NUP188: variants seen among roughly 807,000 people sequenced by gnomAD.
The protein encoded by NUP188 is nucleoporin 188.
A neutral mutation model predicts 223.0 loss-of-function variants in NUP188; 97 were observed. The observed-to-expected ratio is 0.43, with a 90% CI of 0.37 to 0.51. The LOEUF (loss-of-function observed/expected upper bound fraction) is 0.51, where lower values mean the gene tolerates loss of function less well. Among genes scored for constraint, NUP188 ranks in the 20% least tolerant of loss-of-function variants. The pLI is 0.00. For missense variants in NUP188, 1,947 were observed against 2,175.6 expected (o/e 0.89, Z 2.09); for synonymous variants, 869 against 828.0 (o/e 1.05, Z -0.85).
chr9:128,985,900 G>A (rs1271941959), intron 20 of NUP188, among the ~76,000 whole-genome samples: 2 of 152,058 alleles, frequency 1.3e-5, no homozygotes, highest in South Asian at 2.1e-4. Flanking sequence ...TTAGCTGGGC[G>A]TGGTGGTGGA....
chr9:128,969,959 C>G (rs1842083570), intron 10 of NUP188, among the ~76,000 whole-genome samples: 1 of 151,010 alleles, frequency 6.6e-6, no homozygotes, highest in African/African-American at 2.4e-5. Context: ...ACAGAGTCTT[C>G]CTCTATCACC....
At chr9:128,952,738 T>TA in intron 2 of NUP188, 35 bp from the exon 3 acceptor site, 1 of 1,444,328 alleles carries the variant, frequency 6.9e-7, no homozygotes, top group Non-Finnish European at 9.6e-7. Context: ...AAAAAAAAAA[T>TA]ACTGCATTTG....
intron 3 of NUP188, 42 bp downstream of exon 3, chr9:128,952,888 G>A (rs1841814184): frequency 6.7e-7 from 1 of 1,485,260 alleles, no homozygotes; most frequent in East Asian, 2.3e-5. Flanking sequence ...ATTGTCCTAA[G>A]GAAGCTGACA....
At chr9:129,004,041 T>A (rs1242584043) in intron 38 of NUP188, 1 of 170,790 alleles carries the variant, frequency 5.9e-6, no homozygotes, top group African/African-American at 2.5e-5. Flanking sequence ...ACTTTGGGAA[T>A]TCAAGGCGGG....
intron 13 of NUP188, 96 bp downstream of exon 13, chr9:128,979,423 C>A: frequency 1.2e-6 from 1 of 830,704 alleles, no homozygotes; most frequent in Non-Finnish European, 2.0e-6. Context: ...TGCATTTTCT[C>A]ATTTAATCTT....
intron 31 of NUP188, 119 bp from the exon 32 acceptor site, chr9:128,998,419 C>A: frequency 9.6e-7 from 1 of 1,042,144 alleles, no homozygotes; most frequent in Non-Finnish European, 1.5e-6. Context: ...GCTTCTCCCC[C>A]TCCACTCCAC....
rs1842222090 is a variant in NUP188 at position 128,979,271 on chromosome 9, G to T, written c.1213G>T (p.Asp405Tyr). 6.2e-7 allele frequency: 1 copy of T among 1,611,112 alleles called. No individual in the cohort carries two copies. The highest frequency in any genetic ancestry group is 1.7e-5 in the Admixed American group (1 of 59,904). The part of the protein sequence containing the change: ...HTLGNQQDII[D>Y]TACEVLADPS... ...TCCCTTCCTCAAACAGGATATAATT[G>T]ATACAGCATGTGAAGTATTGGCCGA... Residue 405 changes from aspartate to tyrosine, a missense_variant, in exon 13 of 44, where the codon GAT (aspartate) becomes TAT (tyrosine). By Grantham distance (160) the Asp-to-Tyr change is radical (BLOSUM62 -3). This residue lies in a region of NUP188 where 817 missense variants were observed against 865.8 expected (regional missense o/e 0.94). Transcript: ENST00000372577.
At chr9:128,954,148 C>CT (rs1360652936) in intron 3 of NUP188, among the ~76,000 whole-genome samples, 1 of 151,682 alleles carries the variant, frequency 6.6e-6, no homozygotes, top group African/African-American at 2.4e-5. Flanking sequence ...TCTTTACTAT[C>CT]TTTTTTCTGT....
In NUP188 at chr9:129,003,443, C is replaced by T. The variant is rs143262203; in HGVS notation, c.4423C>T (p.Arg1475Cys). 2.2e-5 allele frequency: 36 copies of T among 1,610,632 alleles called. No individual in the cohort carries two copies. The highest frequency in any genetic ancestry group is 2.0e-4 in the Admixed American group (12 of 59,962). The part of the protein sequence containing the change: ...EWHFHLPQLM[R>C]DIQVNLGYLC... ...GCACTTCCACCTGCCTCAGCTCATG[C>T]GTGATATCCAGGTGGGGGCCCAAGA... Residue 1475 changes from arginine (R) to cysteine (C), a missense_variant, in exon 38 of 44, where the codon CGT (arginine) becomes TGT (cysteine). Coordinates refer to ENST00000372577, the MANE Select transcript of NUP188 (RefSeq NM_015354.3).
In NUP188 at chr9:128,982,949, C is replaced by T. The variant is rs545282604; in HGVS notation, c.1717C>T (p.His573Tyr). Residue 573 changes from histidine to tyrosine, a missense_variant, in exon 17 of 44, where the codon CAT (histidine) becomes TAT (tyrosine). This residue lies in a region of NUP188 where 817 missense variants were observed against 865.8 expected (regional missense o/e 0.94). Coordinates refer to ENST00000372577, the MANE Select transcript of NUP188 (RefSeq NM_015354.3). ...QRVKPIIDLVHKVISTDLSIA... is the reference protein window; with the variant it reads ...QRVKPIIDLVYKVISTDLSIA... ...AGTCAAACCCATCATTGATCTCGTC[C>T]ATAAGGTCATCAGTACAGACCTGTC... The T allele has an allele frequency of 3.7e-6, 6 of 1,614,142 alleles. No individual in the cohort carries two copies. In the South Asian group the frequency reaches 6.6e-5, roughly 18 times the overall value.
intron 13 of NUP188, 116 bp from the exon 14 acceptor site, chr9:128,980,490 A>T (rs942370660): frequency 1.0e-6 from 1 of 988,316 alleles, no homozygotes; most frequent in Non-Finnish European, 1.5e-6. Flanking sequence ...AGGAGGGATG[A>T]TATCTGTCTA....
intron 24 of NUP188, among the ~76,000 whole-genome samples, chr9:128,988,755 C>G (rs1842374755): frequency 2.2e-5 from 2 of 90,470 alleles, no homozygotes; most frequent in South Asian, 3.8e-4. Flanking sequence ...TTGAGACAGT[C>G]TAGCTCTGTT....
At chr9:128,977,083 A>G (rs1026907067) in intron 12 of NUP188, among the ~76,000 whole-genome samples, 1 of 151,416 alleles carries the variant, frequency 6.6e-6, no homozygotes, top group African/African-American at 2.4e-5. Flanking sequence ...AACAACAACC[A>G]AAAAAACAGA....
At chr9:128,994,831 A>C (rs776214569) in intron 28 of NUP188, 25 bp from the exon 29 acceptor site, 1 of 1,598,534 alleles carries the variant, frequency 6.3e-7, no homozygotes, top group Non-Finnish European at 8.6e-7. Context: ...AGATGTGATA[A>C]TTGCCTGTTC....
In NUP188 at chr9:128,973,186, T is replaced by C. The variant is rs148364986; in HGVS notation, c.1140T>C (p.Cys380=). 1.6e-4 allele frequency: 265 copies of C among 1,613,382 alleles called. No homozygotes were observed. The highest frequency in any genetic ancestry group is 1.5e-4 in the Non-Finnish European group (181 of 1,179,762). Residue 380 remains cysteine, a synonymous_variant, in exon 12 of 44, where the codon TGT becomes TGC. Coordinates refer to ENST00000372577, the MANE Select transcript of NUP188 (RefSeq NM_015354.3). Reference sequence around the variant, plus strand: ...GCACCACCAGCACTGCATGCATGTGTGTCTATGGACTGCTCTCTTTCGTTC... The same window carrying C: ...GCACCACCAGCACTGCATGCATGTGCGTCTATGGACTGCTCTCTTTCGTTC... ...NDCTTSTACM[C]VYGLLSFVLT...
intron 8 of NUP188, among the ~76,000 whole-genome samples, chr9:128,959,373 C>T (rs1307969903): frequency 2.0e-5 from 3 of 151,782 alleles, no homozygotes; most frequent in African/African-American, 7.3e-5. Context: ...AACTCCTGAC[C>T]TCAGGTGATC....
intron 22 of NUP188, 26 bp downstream of exon 22, chr9:128,986,901 T>C (rs1842341155): frequency 6.2e-7 from 1 of 1,606,046 alleles, no homozygotes; most frequent in Non-Finnish European, 8.5e-7. Flanking sequence ...TTACTAGAGC[T>C]TGGTGCTCGC....
chr9:128,999,902 T>G lies in NUP188; in HGVS notation c.3843+97T>G, dbSNP rs993909582. ...AGTAGTGATCAAGACAGATAGTCGC[T>G]GCACTTCTGGAGTTCACGGCCTGGT... On this transcript the variant is annotated intron_variant, in intron 34 of 43. Coordinates refer to ENST00000372577, the MANE Select transcript of NUP188 (RefSeq NM_015354.3). 22 of 1,196,366 alleles carry G rather than the reference T, an allele frequency of 1.8e-5. No homozygotes were observed. The East Asian group carries it at 5.2e-4, about 28-fold the overall frequency. The allele number at this position is 1,196,366 out of a possible 1,614,324, so 74.1% of individuals were successfully genotyped here.
intron 12 of NUP188, among the ~76,000 whole-genome samples, chr9:128,974,891 TG>T (rs1842154000): frequency 6.6e-6 from 1 of 151,934 alleles, no homozygotes; most frequent in Non-Finnish European, 1.5e-5. Context: ...CCTGAGTAGC[TG>T]GGACTACAGG....
Sources: gnomAD v4.1 joint callset for allele counts (sites outside exome capture counted in the v4.1 genomes callset) on GRCh38, gnomAD v4.1.1 for gene constraint, gnomAD v4.1.1 regional missense constraint, MANE v1.5 for transcripts, NCBI Gene and HGNC (gene_info 2026-07-23, HGNC 2026-07-21) for gene names.